Variants in NISCH observed in about 807,000 individuals in gnomAD.
The protein encoded by NISCH is nischarin, also known as I-1 receptor candidate protein.
A neutral mutation model predicts 138.4 loss-of-function variants in NISCH; 55 were observed. The ratio of observed to expected loss-of-function variants is 0.40; its 90% CI spans 0.32 to 0.50. The LOEUF is 0.50. NISCH is among the 20% of genes least tolerant of loss of function. NISCH has a pLI of 0.71. For missense variants in NISCH, 1,643 were observed against 2,005.5 expected, an observed-to-expected ratio of 0.82 and a Z score of 3.45; for synonymous variants, 860 against 861.5, an observed-to-expected ratio of 1.00 and a Z score of 0.03.
chr3:52,492,351 A>AGCCAGG lies in NISCH; in HGVS notation c.4388_4393dup (p.Gln1463_Gly1464dup). 6.2e-7 allele frequency: 1 copy of AGCCAGG among 1,613,416 alleles called. No individual in the cohort carries two copies. The highest frequency in any genetic ancestry group is 8.5e-7 in the Non-Finnish European group (1 of 1,180,032). ...GGTGCCAGGTGGCCCGGCTAGAGCC[A>AGCCAGG]GCCAGGGCCGTGAAGTCCAGTGGCA... On this transcript the variant is annotated inframe_insertion, in exon 21 of 21. Coordinates refer to ENST00000345716, the MANE Select transcript of NISCH (RefSeq NM_007184.4).
chr3:52,461,093 A>G (rs1706619466), intron 3 of NISCH, among the ~76,000 whole-genome samples: 1 of 152,162 alleles, frequency 6.6e-6, no homozygotes, highest in African/African-American at 2.4e-5. Context: ...TACAAAAATT[A>G]GCTGCGCGTG....
At chr3:52,474,646 G>C (rs1365720195) in intron 7 of NISCH, among the ~76,000 whole-genome samples, 2 of 151,830 alleles carry the variant, frequency 1.3e-5, no homozygotes, top group Non-Finnish European at 2.9e-5. Context: ...TGGCCAGGCT[G>C]ATCTCGAACT....
chr3:52,455,797 G>A, intron 1 of NISCH, 63 bp downstream of exon 1: 1 of 1,218,280 alleles, frequency 8.2e-7, no homozygotes, highest in Non-Finnish European at 1.1e-6. Context: ...TCCGACTCGG[G>A]GGCTTGGGGA....
rs1025448067 is a variant in NISCH at position 52,488,709 on chromosome 3, G to A, written c.3113+104G>A. On this transcript the variant is annotated intron_variant, in intron 16 of 20. Coordinates refer to ENST00000345716, the MANE Select transcript of NISCH (RefSeq NM_007184.4). ...TGGGCTGGGAGTTGCTGCGAGAGCT[G>A]GGCCCCCTCCCCCCCTGCCCCTCGC... 1.0e-4 allele frequency: 103 copies of A among 1,020,000 alleles called. No individual in the cohort carries two copies. In the Admixed American group the frequency reaches 2.6e-3, roughly 26 times the overall value. 63.2% of individuals were successfully genotyped at this position (1,020,000 alleles called of 1,614,324 possible).
At chr3:52,465,761 T>A (rs1052119271) in intron 3 of NISCH, among the ~76,000 whole-genome samples, 2 of 152,082 alleles carry the variant, frequency 1.3e-5, no homozygotes, top group African/African-American at 4.8e-5. Flanking sequence ...TTCCCAACGG[T>A]TTAGTCCAAG....
chr3:52,487,313 C>T lies in NISCH; in HGVS notation c.1821C>T (p.Ser607=), dbSNP rs1175744532. The change falls in exon 16 of 21, where the codon AGC becomes AGT. Residue 607 remains serine (S), a synonymous_variant. Coordinates refer to ENST00000345716, the MANE Select transcript of NISCH (RefSeq NM_007184.4). The surrounding 1 kb of genome is among the most constrained non-coding windows in gnomAD (Gnocchi z 9.1). ...ATNQDFIQRL[S]TLIRQAIERQ... is the part of the protein sequence containing the mutation. ...ATCAGGACTTCATCCAGCGCCTGAG[C>T]ACACTGATCCGGCAGGCCATCGAGC... 1.9e-6 allele frequency: 3 copies of T among 1,614,076 alleles called. No individual in the cohort carries two copies. Among genetic ancestry groups the T allele is most frequent in the Non-Finnish European group, 2.5e-6 (3 of 1,180,060 alleles).
chr3:52,479,840 A>G lies in NISCH; in HGVS notation c.1394A>G (p.Lys465Arg), dbSNP rs776288474. ...CAGAAAGCCAAGGAGGTCAAGTCCAAACTGAGCAACCCAGAGAAGAAGGTG... is the reference window on the plus strand; with the variant it reads ...CAGAAAGCCAAGGAGGTCAAGTCCAGACTGAGCAACCCAGAGAAGAAGGTG... Reference protein sequence around the residue: ...AIQKAKEVKSKLSNPEKKGGE... With the variant: ...AIQKAKEVKSRLSNPEKKGGE... Residue 465 changes from lysine (K) to arginine (R), a missense_variant, in exon 12 of 21, where the codon AAA becomes AGA. By Grantham distance (26) the Lys-to-Arg change is conservative (BLOSUM62 2). Coordinates refer to ENST00000345716, the MANE Select transcript of NISCH (RefSeq NM_007184.4). The G allele has an allele frequency of 6.2e-7, 1 of 1,613,524 alleles. No homozygotes were observed. The highest frequency in any genetic ancestry group is 1.1e-5 in the South Asian group (1 of 90,944).
At chr3:52,472,896 A>G (rs537345495) in intron 6 of NISCH, among the ~76,000 whole-genome samples, 5 of 152,250 alleles carry the variant, frequency 3.3e-5, no homozygotes, top group Non-Finnish European at 5.9e-5. Flanking sequence ...AAAAGTCAGT[A>G]ATGAATACAA....
intron 3 of NISCH, among the ~76,000 whole-genome samples, chr3:52,459,744 T>A (rs1313966667): frequency 1.3e-5 from 2 of 151,592 alleles, no homozygotes; most frequent in Admixed American, 1.3e-4. Context: ...AAAACCACAA[T>A]ATTAAATAGC....
chr3:52,484,462 T>TTGCCCGCCC, intron 13 of NISCH, 51 bp from the exon 14 acceptor site: 1 of 788,670 alleles, frequency 1.3e-6, no homozygotes, highest in Non-Finnish European at 1.8e-6. Context: ...ACAGCCGCTC[T>TTGCCCGCCC]CCCCGCCCCA....
chr3:52,462,097 G>A (rs939853240), intron 3 of NISCH, among the ~76,000 whole-genome samples: 1 of 152,152 alleles, frequency 6.6e-6, no homozygotes, highest in Non-Finnish European at 1.5e-5. Context: ...GCTACATCTG[G>A]TTCTGGTTTG....
intron 3 of NISCH, among the ~76,000 whole-genome samples, chr3:52,465,278 T>C (rs1424631758): frequency 2.6e-5 from 4 of 152,052 alleles, no homozygotes; most frequent in African/African-American, 9.7e-5. Flanking sequence ...TACAGGCATA[T>C]GCCACCGTAC....
At chr3:52,481,485 G>A in intron 13 of NISCH, 1 of 985,546 alleles carries the variant, frequency 1.0e-6, no homozygotes, top group South Asian at 4.7e-5. Flanking sequence ...AGCCAGGGAG[G>A]TTATATCACG....
chr3:52,481,495 G>A (rs1471366937), intron 13 of NISCH: 3 of 985,364 alleles, frequency 3.0e-6, no homozygotes, highest in South Asian at 9.4e-5. Flanking sequence ...GTTATATCAC[G>A]GTGAGAAAGC....
chr3:52,490,669 C>G (rs765944489), intron 18 of NISCH, 36 bp from the exon 19 acceptor site: 1 of 1,613,642 alleles, frequency 6.2e-7, no homozygotes, highest in Non-Finnish European at 8.5e-7. Context: ...TGCTTGCCTG[C>G]CACCGCCTCC....
chr3:52,458,580 C>G lies in NISCH; in HGVS notation c.178-82C>G, dbSNP rs968917726. 15 of 1,241,306 alleles carry G rather than the reference C, an allele frequency of 1.2e-5. No individual in the cohort carries two copies. In the African/African-American group the frequency reaches 2.0e-4, roughly 16 times the overall value. The allele number at this position is 1,241,306 out of a possible 1,614,324, so 76.9% of individuals were successfully genotyped here. On this transcript the variant is annotated intron_variant, in intron 2 of 20. Coordinates refer to ENST00000345716, the MANE Select transcript of NISCH (RefSeq NM_007184.4). ...GGGCTGTGCAAGTGCTGACAAGCGC[C>G]TGCCCTCAAGCTTCTTGCCTTGGTC... is the stretch of plus-strand genomic sequence containing the variant.
intron 16 of NISCH, 67 bp downstream of exon 16, chr3:52,488,672 C>G (rs1212887728): frequency 7.5e-7 from 1 of 1,340,554 alleles, no homozygotes; most frequent in East Asian, 2.5e-5. Flanking sequence ...ATCTCAGCAT[C>G]TGCGGCTAGT....
intron 14 of NISCH, 105 bp from the exon 15 acceptor site, chr3:52,485,673 G>T: frequency 7.9e-7 from 1 of 1,272,572 alleles, no homozygotes; most frequent in Non-Finnish European, 1.1e-6. Context: ...AGCCTCCTCA[G>T]GGCGGTGATG....
intron 2 of NISCH, among the ~76,000 whole-genome samples, chr3:52,458,184 TCAGA>T (rs1479961659): frequency 6.6e-6 from 1 of 152,254 alleles, no homozygotes; most frequent in Non-Finnish European, 1.5e-5. Flanking sequence ...TATGAGATGC[TCAGA>T]CAGTTTCCTG....
Sources: gnomAD v4.1 joint callset for allele counts (sites outside exome capture counted in the v4.1 genomes callset) on GRCh38, gnomAD v4.1.1 for gene constraint, Gnocchi (gnomAD v3.1) non-coding constraint, MANE v1.5 for transcripts, NCBI Gene and HGNC (gene_info 2026-07-23, HGNC 2026-07-21) for gene names.